SARNP: variants seen among roughly 807,000 people sequenced by gnomAD.
The protein encoded by SARNP is SAP domain containing ribonucleoprotein, also known as SAP domain-containing ribonucleoprotein.
Under a neutral mutation model 38.1 loss-of-function variants are expected in SARNP, and 5 were observed. The observed-to-expected ratio is 0.13, with a 90% CI of 0.07 to 0.28. SARNP has a LOEUF of 0.28. SARNP is among the 10% of genes least tolerant of loss of function. The probability of loss-of-function intolerance (pLI) is 1.00; values close to 1 mark genes in which losing one functional copy is unlikely to be tolerated. For missense variants in SARNP, 180 were observed against 243.9 expected (o/e 0.74, Z 1.75); for synonymous variants, 84 against 80.6 (o/e 1.04, Z -0.23).
At chr12:55,794,437 G>A (rs776541241) in intron 6 of SARNP, 50 bp from the exon 7 acceptor site, 3 of 1,540,968 alleles carry the variant, frequency 1.9e-6, no homozygotes, top group Admixed American at 3.7e-5. Context: ...CACACTCCTG[G>A]TTTGTCTGTC....
At chr12:55,805,829 A>G (rs1044862248) in intron 1 of SARNP, among the ~76,000 whole-genome samples, 1 of 152,136 alleles carries the variant, frequency 6.6e-6, no homozygotes, top group African/African-American at 2.4e-5. Flanking sequence ...AGCAGGTGAA[A>G]GAGTGAGACT....
chr12:55,784,358 C>A (rs1448901964), intron 9 of SARNP, among the ~76,000 whole-genome samples: 1 of 152,178 alleles, frequency 6.6e-6, no homozygotes, highest in Non-Finnish European at 1.5e-5. Flanking sequence ...CTCTGCCAAC[C>A]AACCAAACGC....
At chr12:55,797,976 GAAT>G (rs1490989101) in intron 4 of SARNP, among the ~76,000 whole-genome samples, 1 of 152,156 alleles carries the variant, frequency 6.6e-6, no homozygotes, top group Non-Finnish European at 1.5e-5. Flanking sequence ...AATATTCTAT[GAAT>G]AATGAACTTC....
rs144493811 is a variant in SARNP, at chr12:55,795,708, A to G, written c.303+317T>C. ...ATCTCAGCTACTGGCCAGTAGCAAC[A>G]TAAGAGTCACATCTACCAATACATT... On this transcript the variant is annotated intron_variant, in intron 5 of 10. Coordinates refer to ENST00000336133, the MANE Select transcript of SARNP (RefSeq NM_033082.4). Among the ~76,000 whole-genome samples the G allele has an allele frequency of 3.0e-3, 461 of 152,330 alleles. 4 individuals carry two copies. Among genetic ancestry groups the G allele is most frequent in the African/African-American group, 0.01 (419 of 41,570 alleles).
At chr12:55,771,006 C>T (rs1014932464) in intron 9 of SARNP, among the ~76,000 whole-genome samples, 1 of 150,366 alleles carries the variant, frequency 6.7e-6, no homozygotes, top group East Asian at 2.0e-4. Context: ...GATGTGATCT[C>T]GGCTCACTGC....
Position 55,789,150 on chromosome 12 carries a change from A to G in SARNP, c.433-7T>C, listed in dbSNP as rs1879590828. 1.3e-6 allele frequency: 2 copies of G among 1,574,908 alleles called. No homozygotes were observed. Among genetic ancestry groups the G allele is most frequent in the African/African-American group, 2.7e-5 (2 of 72,866 alleles). On this transcript the variant is annotated splice_polypyrimidine_tract_variant and splice_region_variant and intron_variant, in intron 8 of 10. Transcript: ENST00000336133. Reference sequence around the variant, plus strand: ...TCAGCTTATCCAAGTTAACCTATAAAAACATAGGGGAAAGAACATAGTTTT... The same window carrying G: ...TCAGCTTATCCAAGTTAACCTATAAGAACATAGGGGAAAGAACATAGTTTT...
intron 1 of SARNP, among the ~76,000 whole-genome samples, chr12:55,808,162 T>A (rs1880212640): frequency 2.0e-5 from 3 of 152,150 alleles, no homozygotes; most frequent in Non-Finnish European, 1.5e-5. Flanking sequence ...GGACGTTATT[T>A]TAAAAGGAAA....
intron 4 of SARNP, among the ~76,000 whole-genome samples, chr12:55,798,543 G>A (rs1386431659): frequency 6.6e-6 from 1 of 152,130 alleles, no homozygotes; most frequent in Admixed American, 6.5e-5. Context: ...CTATCAAGAT[G>A]TTAAATGTAC....
chr12:55,794,451 G>C, intron 6 of SARNP, 64 bp from the exon 7 acceptor site: 1 of 1,413,716 alleles, frequency 7.1e-7, no homozygotes, highest in Non-Finnish European at 9.9e-7. Context: ...GTCTGTCTCC[G>C]TGTCAAGTAT....
intron 9 of SARNP, among the ~76,000 whole-genome samples, chr12:55,784,501 T>C (rs1181950918): frequency 6.6e-6 from 1 of 152,180 alleles, no homozygotes; most frequent in Non-Finnish European, 1.5e-5. Flanking sequence ...AATCCTTACT[T>C]TTCTTATGTC....
chr12:55,774,584 A>C (rs1434797828), intron 9 of SARNP, among the ~76,000 whole-genome samples: 97 of 148,778 alleles, frequency 6.5e-4, no homozygotes, highest in Middle Eastern at 3.5e-3. Context: ...ACAAACAAAA[A>C]AAAAAAAACA....
chr12:55,789,379 A>C (rs898624788), intron 8 of SARNP, among the ~76,000 whole-genome samples: 1 of 152,194 alleles, frequency 6.6e-6, no homozygotes, highest in Non-Finnish European at 1.5e-5. Flanking sequence ...TCAAGAGCCT[A>C]AGGAGGGCTT....
At chr12:55,801,013 G>T (rs1483847704) in intron 2 of SARNP, 113 bp from the exon 3 acceptor site, 2 of 822,070 alleles carry the variant, frequency 2.4e-6, no homozygotes, top group African/African-American at 3.4e-5. Flanking sequence ...AACAGTGAAG[G>T]CAGAAACTGA....
rs1246769969 is a variant in SARNP, at chr12:55,766,626, G to T, written c.502-5986C>A. ...TGTGGGTTTTTTTGGCGGGGGGGGG[G>T]GGGGGGTTGTTTTTTTGAGACAGTC... is the stretch of plus-strand genomic sequence containing the variant. On this transcript the variant is annotated intron_variant, in intron 9 of 10. Transcript: ENST00000336133. Among the ~76,000 whole-genome samples the T allele has an allele frequency of 3.1e-5, 4 of 128,640 alleles. 1 individual carries two copies. Among genetic ancestry groups the T allele is most frequent in the Non-Finnish European group, 6.7e-5 (4 of 60,108 alleles). The allele number at this position is 128,640 out of a possible 152,430, so 84.4% of individuals were successfully genotyped here. A position where few individuals can be genotyped will look rare whatever the true frequency, so the allele number is the denominator to read the frequency against.
At chr12:55,800,742 C>T in intron 3 of SARNP, 112 bp downstream of exon 3, 1 of 1,270,544 alleles carries the variant, frequency 7.9e-7, no homozygotes, top group Non-Finnish European at 1.2e-6. Flanking sequence ...TCATACCCAT[C>T]TTATGCTCCC....
chr12:55,774,570 A>C (rs1269128098), intron 9 of SARNP, among the ~76,000 whole-genome samples: 1,701 of 71,346 alleles, frequency 0.024, 125 homozygotes, highest in African/African-American at 0.1. Context: ...AAAAAAAAAA[A>C]AAAACAAACA....
intron 9 of SARNP, among the ~76,000 whole-genome samples, chr12:55,763,190 T>C (rs1878727138): frequency 6.6e-6 from 1 of 152,204 alleles, no homozygotes; most frequent in South Asian, 2.1e-4. Context: ...AACATAAGTA[T>C]TCTTGTCCTT....
chr12:55,815,333 C>A (rs1592586953), intron 1 of SARNP, among the ~76,000 whole-genome samples: 1 of 152,318 alleles, frequency 6.6e-6, no homozygotes, highest in Middle Eastern at 3.4e-3. Context: ...TGGGTCACTG[C>A]ACCCAGCCAA....
At chr12:55,772,531 T>C (rs1436136942) in intron 9 of SARNP, among the ~76,000 whole-genome samples, 1 of 152,022 alleles carries the variant, frequency 6.6e-6, no homozygotes, top group African/African-American at 2.4e-5. Flanking sequence ...CTCTAGCTGA[T>C]TGTAGGACAA....
Sources: gnomAD v4.1 joint callset for allele counts (sites outside exome capture counted in the v4.1 genomes callset) on GRCh38, gnomAD v4.1.1 for gene constraint, MANE v1.5 for transcripts, NCBI Gene and HGNC (gene_info 2026-07-23, HGNC 2026-07-21) for gene names.